DPY19L2: variants seen among roughly 807,000 people sequenced by gnomAD.
The protein encoded by DPY19L2 is probable C-mannosyltransferase DPY19L2.
DPY19L2 carries 34 observed loss-of-function variants against 97.9 expected under a neutral mutation model. That is an observed-to-expected ratio of 0.35 (90% confidence interval 0.26 to 0.46). The LOEUF is 0.46. DPY19L2 is among the 20% of genes least tolerant of loss of function. The probability of loss-of-function intolerance (pLI) is 1.00; values close to 1 mark genes in which losing one functional copy is unlikely to be tolerated. For synonymous variants in DPY19L2, 230 were observed against 307.9 expected (o/e 0.75, Z 2.65); for missense variants, 623 against 911.4 (o/e 0.68, Z 4.07).
Position 63,595,074 on chromosome 12 carries a change from T to C in DPY19L2, c.1533+892A>G, listed in dbSNP as rs115684922. On this transcript the variant is annotated intron_variant, in intron 15 of 21. Coordinates refer to ENST00000324472, the MANE Select transcript of DPY19L2 (RefSeq NM_173812.5). The stretch of plus-strand genomic sequence containing the variant: ...GAAACAACAGAGATGTCGAGGGAGA[T>C]ACCTTTCTCACTCTTAAATTACTCA... 4.2e-3 allele frequency among the ~76,000 whole-genome samples: 646 copies of C among 152,330 alleles called. 6 individuals are homozygous for C. Among genetic ancestry groups the C allele is most frequent in the African/African-American group, 0.015 (614 of 41,570 alleles).
At chr12:63,603,214 G>T (rs184807998) in intron 12 of DPY19L2, among the ~76,000 whole-genome samples, 1 of 152,046 alleles carries the variant, frequency 6.6e-6, no homozygotes, top group African/African-American at 2.4e-5. Flanking sequence ...TCTAAATAAA[G>T]AATAACAAAA....
At chr12:63,637,469 AC>A (rs1663361620) in intron 6 of DPY19L2, among the ~76,000 whole-genome samples, 1 of 152,176 alleles carries the variant, frequency 6.6e-6, no homozygotes, top group Non-Finnish European at 1.5e-5. Context: ...CGCTAGCAAG[AC>A]TAATAAAGAA....
Position 63,644,393 on chromosome 12 carries a change from G to C in DPY19L2, c.803+10C>G. ...CACTGAAAGGTCTCTTAATTCAGTA[G>C]TAGTCTTACCTCAGGTATGCTCCAT... On this transcript the variant is annotated intron_variant, in intron 6 of 21. Coordinates refer to ENST00000324472, the MANE Select transcript of DPY19L2 (RefSeq NM_173812.5). 6.2e-7 allele frequency: 1 copy of C among 1,601,754 alleles called. No homozygotes were observed.
At chr12:63,632,852 G>A (rs1055905837) in intron 6 of DPY19L2, among the ~76,000 whole-genome samples, 11 of 152,084 alleles carry the variant, frequency 7.2e-5, no homozygotes, top group African/African-American at 2.7e-4. Flanking sequence ...GCATGGTACT[G>A]GTACCAAAAC....
intron 15 of DPY19L2, 94 bp downstream of exon 15, chr12:63,595,872 T>C: frequency 8.7e-7 from 1 of 1,155,462 alleles, no homozygotes; most frequent in Non-Finnish European, 1.2e-6. Context: ...AGAGAAAGAG[T>C]TCATCCTAAA....
chr12:63,624,387 A>G (rs184252469), intron 7 of DPY19L2, among the ~76,000 whole-genome samples: 9 of 152,138 alleles, frequency 5.9e-5, no homozygotes, highest in South Asian at 2.1e-4. Flanking sequence ...GACAAACAAG[A>G]TTGTACGTAT....
chr12:63,564,221 GA>G (rs1877199755), intron 21 of DPY19L2, among the ~76,000 whole-genome samples: 1 of 152,062 alleles, frequency 6.6e-6, no homozygotes, highest in South Asian at 2.1e-4. Flanking sequence ...GTTTTAGGAG[GA>G]AATACACACT....
chr12:63,574,200 T>A (rs1316561967), intron 19 of DPY19L2, among the ~76,000 whole-genome samples: 3 of 152,102 alleles, frequency 2.0e-5, no homozygotes, highest in African/African-American at 7.2e-5. Flanking sequence ...TTAGAATTTT[T>A]ATTAGCTTTC....
intron 6 of DPY19L2, 134 bp from the exon 7 acceptor site, chr12:63,626,660 C>A: frequency 8.5e-7 from 1 of 1,179,640 alleles, no homozygotes; most frequent in Non-Finnish European, 1.2e-6. Context: ...CTAAACCATA[C>A]CCATGTGGTT....
At chr12:63,654,092 T>C (rs559763299) in intron 4 of DPY19L2, among the ~76,000 whole-genome samples, 1 of 151,962 alleles carries the variant, frequency 6.6e-6, no homozygotes, top group African/African-American at 2.4e-5. Flanking sequence ...GAAAATCCCC[T>C]AAACTGAAAT....
intron 15 of DPY19L2, among the ~76,000 whole-genome samples, chr12:63,595,597 T>C (rs1884075578): frequency 6.6e-6 from 1 of 152,176 alleles, no homozygotes; most frequent in African/African-American, 2.4e-5. Context: ...ATAGCACCTA[T>C]AAAAATTTTA....
chr12:63,623,333 T>G (rs1017575373), intron 8 of DPY19L2, among the ~76,000 whole-genome samples: 1 of 152,158 alleles, frequency 6.6e-6, no homozygotes, highest in African/African-American at 2.4e-5. Context: ...TGAATATATA[T>G]ACTCCTTATC....
intron 6 of DPY19L2, among the ~76,000 whole-genome samples, chr12:63,638,443 G>C (rs1243951177): frequency 6.6e-6 from 1 of 152,144 alleles, no homozygotes; most frequent in East Asian, 1.9e-4. Flanking sequence ...TGACATGATT[G>C]TATATCTAGA....
chr12:63,611,527 G>T, intron 11 of DPY19L2, among the ~76,000 whole-genome samples: 1 of 151,706 alleles, frequency 6.6e-6, no homozygotes, highest in African/African-American at 2.4e-5. Flanking sequence ...TAGTATAACT[G>T]TATTACACAT....
intron 19 of DPY19L2, among the ~76,000 whole-genome samples, chr12:63,577,173 A>G (rs1880007407): frequency 6.6e-6 from 1 of 152,086 alleles, no homozygotes; most frequent in Non-Finnish European, 1.5e-5. Context: ...TCCCAAAAAC[A>G]TACACTGGGG....
Position 63,644,551 on chromosome 12 carries a change from T to C in DPY19L2, c.710-55A>G, listed in dbSNP as rs559579150. On this transcript the variant is annotated intron_variant, in intron 5 of 21. Coordinates refer to ENST00000324472, the MANE Select transcript of DPY19L2 (RefSeq NM_173812.5). ...AATGAATATATGACTCTAAGGCAAT[T>C]GGGCATAATTATCTCAGTGCTTTGC... The C allele has an allele frequency of 5.7e-6, 9 of 1,581,932 alleles. No homozygotes were observed. The East Asian group carries it at 1.8e-4, about 32-fold the overall frequency.
chr12:63,573,214 A>G (rs1354275946), intron 19 of DPY19L2, among the ~76,000 whole-genome samples: 1 of 152,124 alleles, frequency 6.6e-6, no homozygotes, highest in African/African-American at 2.4e-5. Context: ...TAACACAGAG[A>G]AGGAATTAGT....
intron 12 of DPY19L2, among the ~76,000 whole-genome samples, chr12:63,607,004 T>C (rs564351980): frequency 2.0e-5 from 3 of 152,268 alleles, no homozygotes; most frequent in South Asian, 2.1e-4. Flanking sequence ...TTGCCAAAGA[T>C]ACACAGAGCA....
At chr12:63,575,182 C>A (rs1306870042) in intron 19 of DPY19L2, among the ~76,000 whole-genome samples, 17 of 151,790 alleles carry the variant, frequency 1.1e-4, no homozygotes, top group Non-Finnish European at 1.9e-4. Flanking sequence ...GGAAACTCTA[C>A]AAACATACAA....
Sources: gnomAD v4.1 joint callset for allele counts (sites outside exome capture counted in the v4.1 genomes callset) on GRCh38, gnomAD v4.1.1 for gene constraint, MANE v1.5 for transcripts, NCBI Gene and HGNC (gene_info 2026-07-23, HGNC 2026-07-21) for gene names.